Variants in XRN2 observed in about 807,000 individuals in gnomAD.
The protein encoded by XRN2 is 5'-3' exoribonuclease 2, also known as DHM1-like protein.
A neutral mutation model predicts 138.5 loss-of-function variants in XRN2; 44 were observed. The ratio of observed to expected loss-of-function variants is 0.32; its 90% CI spans 0.25 to 0.41. The LOEUF (loss-of-function observed/expected upper bound fraction) is 0.41. Ranked by LOEUF, XRN2 falls within the 10% of genes least tolerant of loss-of-function variation. The pLI is 1.00. For synonymous variants in XRN2, 354 were observed against 369.4 expected (o/e 0.96, Z 0.48); for missense variants, 937 against 1,169.3 (o/e 0.80, Z 2.90).
intron 27 of XRN2, among the ~76,000 whole-genome samples, chr20:21,377,264 C>CTTTTTTTTTTTTTTCTTTTTTTTTTTT (rs761622310): frequency 3.6e-5 from 3 of 82,780 alleles, no homozygotes; most frequent in African/African-American, 1.6e-4. Context: ...TCGGTTTTTT[C>CTTTTTTTTTTTTTTCTTTTTTTTTTTT]TTTTTTTTTT....
intron 13 of XRN2, among the ~76,000 whole-genome samples, chr20:21,335,802 G>A (rs2038279364): frequency 2.0e-5 from 3 of 152,212 alleles, no homozygotes. Context: ...GAGGAAGTAT[G>A]GGATTTGGTA....
intron 26 of XRN2, among the ~76,000 whole-genome samples, chr20:21,365,984 C>T (rs1201823812): frequency 3.1e-5 from 3 of 97,308 alleles, no homozygotes; most frequent in South Asian, 3.0e-4. Flanking sequence ...CGTGCCCGGC[C>T]GAAACCCAGT....
At chr20:21,352,861 C>T (rs956927004) in intron 20 of XRN2, among the ~76,000 whole-genome samples, 1 of 151,936 alleles carries the variant, frequency 6.6e-6, no homozygotes, top group African/African-American at 2.4e-5. Context: ...ACTTGGGCTC[C>T]CTCTGGGTAT....
intron 4 of XRN2, 87 bp from the exon 5 acceptor site, chr20:21,330,394 A>T: frequency 2.9e-6 from 4 of 1,397,728 alleles, no homozygotes; most frequent in Non-Finnish European, 3.9e-6. Context: ...TTGTAGTGGA[A>T]CTTTTTGTTT....
At chr20:21,314,777 AT>A (rs2037934721) in intron 1 of XRN2, among the ~76,000 whole-genome samples, 1 of 151,744 alleles carries the variant, frequency 6.6e-6, no homozygotes, top group Admixed American at 6.6e-5. Context: ...ATTTTTCCAC[AT>A]TTTTGCTGTG....
chr20:21,346,359 C>G, intron 16 of XRN2, 56 bp from the exon 17 acceptor site: 1 of 1,595,676 alleles, frequency 6.3e-7, no homozygotes, highest in Non-Finnish European at 8.6e-7. Flanking sequence ...AATTAGTAGA[C>G]AGCCTGTTAC....
intron 26 of XRN2, among the ~76,000 whole-genome samples, chr20:21,366,993 T>C (rs2038712107): frequency 1.3e-5 from 2 of 152,210 alleles, no homozygotes; most frequent in South Asian, 4.1e-4. Flanking sequence ...AATTAATGTA[T>C]GATGGAGACT....
At chr20:21,305,056 G>A (rs2037797047) in intron 1 of XRN2, among the ~76,000 whole-genome samples, 1 of 152,072 alleles carries the variant, frequency 6.6e-6, no homozygotes. Flanking sequence ...TGCCGCGCCC[G>A]GACTCTATTT....
chr20:21,366,462 CAG>C (rs1449865791), intron 26 of XRN2, among the ~76,000 whole-genome samples: 1 of 150,104 alleles, frequency 6.7e-6, no homozygotes, highest in African/African-American at 2.4e-5. Context: ...CAGGCTGAGG[CAG>C]GGGAATGGCA....
intron 13 of XRN2, among the ~76,000 whole-genome samples, 175 bp downstream of exon 13, chr20:21,334,360 C>T (rs1340948112): frequency 6.6e-6 from 1 of 152,158 alleles, no homozygotes; most frequent in Non-Finnish European, 1.5e-5. Context: ...GTGCTGCTTG[C>T]TCTGTGGAAC....
In XRN2 at chr20:21,303,413, G is replaced by T; in HGVS notation, c.15G>T (p.Ala5=). The T allele has an allele frequency of 6.5e-7, 1 of 1,548,726 alleles. No homozygotes were observed. The highest frequency in any genetic ancestry group is 8.7e-7 in the Non-Finnish European group (1 of 1,146,086). MGVP[A]FFRWLSRKYP... ...CGTGTGCCGCTATGGGAGTCCCGGC[G>T]TTCTTCCGCTGGCTCAGCCGCAAGT... Residue 5 remains alanine, a synonymous_variant, in exon 1 of 30, where the codon GCG becomes GCT. Transcript: ENST00000377191.
chr20:21,362,887 A>C (rs1299233968), intron 24 of XRN2, among the ~76,000 whole-genome samples: 1 of 152,096 alleles, frequency 6.6e-6, no homozygotes, highest in African/African-American at 2.4e-5. Context: ...TTGAGAATGT[A>C]CTCACTCATC....
intron 27 of XRN2, among the ~76,000 whole-genome samples, chr20:21,374,303 CTTTT>C (rs1159895396): frequency 6.6e-6 from 1 of 151,916 alleles, no homozygotes; most frequent in African/African-American, 2.4e-5. Flanking sequence ...ATCTTAATGC[CTTTT>C]TTGTTTGTTT....
At chr20:21,329,729 T>C (rs1292906422) in intron 4 of XRN2, among the ~76,000 whole-genome samples, 1 of 152,164 alleles carries the variant, frequency 6.6e-6, no homozygotes, top group Non-Finnish European at 1.5e-5. Context: ...ATAGGATTTT[T>C]ATATTCCTCT....
At chr20:21,365,917 T>G (rs1281333523) in intron 26 of XRN2, among the ~76,000 whole-genome samples, 3 of 121,148 alleles carry the variant, frequency 2.5e-5, no homozygotes, top group Non-Finnish European at 3.3e-5. Flanking sequence ...ATATATATAA[T>G]ATAATATATA....
chr20:21,368,566 G>A lies in XRN2; in HGVS notation c.2560G>A (p.Ala854Thr). 1.2e-6 allele frequency: 2 copies of A among 1,613,994 alleles called. No homozygotes were observed. Among genetic ancestry groups the A allele is most frequent in the Non-Finnish European group, 1.7e-6 (2 of 1,179,918 alleles). The part of the protein sequence containing the change: ...NLYRPLLRGQ[A>T]QIPKLMSNMR... Reference sequence around the variant, plus strand: ...ATACAGGCCGCTTTTGAGAGGACAAGCCCAGATTCCAAAACTTATGTCAAG... The same window carrying A: ...ATACAGGCCGCTTTTGAGAGGACAAACCCAGATTCCAAAACTTATGTCAAG... Residue 854 changes from alanine to threonine, a missense_variant, in exon 27 of 30, where the codon GCC (alanine) becomes ACC (threonine). Coordinates refer to ENST00000377191, the MANE Select transcript of XRN2 (RefSeq NM_012255.5).
rs751325281 is a variant in XRN2, at chr20:21,349,411, A to G, written c.1886A>G (p.Tyr629Cys). Reference protein sequence around the residue: ...SDPDSSIIDFYPEDFAIDLNG... With the variant: ...SDPDSSIIDFCPEDFAIDLNG... ...TAGGATTCTAGTATAATTGACTTCT[A>G]TCCTGAAGATTTTGCTATTGATTTG... Residue 629 changes from tyrosine (Y) to cysteine (C), a missense_variant, in exon 20 of 30, where the codon TAT becomes TGT. By Grantham distance (194) the Tyr-to-Cys change is radical. This residue lies in a region of XRN2 where 372 missense variants were observed against 414.4 expected (regional missense o/e 0.90). Coordinates refer to ENST00000377191, the MANE Select transcript of XRN2 (RefSeq NM_012255.5). 1 of 1,607,374 alleles carries G rather than the reference A, an allele frequency of 6.2e-7. No individual in the cohort carries two copies. The highest frequency in any genetic ancestry group is 8.5e-7 in the Non-Finnish European group (1 of 1,174,370).
At chr20:21,309,072 A>C (rs1283157295) in intron 1 of XRN2, among the ~76,000 whole-genome samples, 1 of 152,158 alleles carries the variant, frequency 6.6e-6, no homozygotes, top group African/African-American at 2.4e-5. Flanking sequence ...CAAGTTTGCT[A>C]AAGTTTGCTA....
At chr20:21,335,654 T>A (rs1442928756) in intron 13 of XRN2, among the ~76,000 whole-genome samples, 2 of 152,348 alleles carry the variant, frequency 1.3e-5, no homozygotes, top group Admixed American at 6.5e-5. Flanking sequence ...GGAACATTTT[T>A]AACTACTTTT....
Sources: gnomAD v4.1 joint callset for allele counts (sites outside exome capture counted in the v4.1 genomes callset) on GRCh38, gnomAD v4.1.1 for gene constraint, gnomAD v4.1.1 regional missense constraint, MANE v1.5 for transcripts, NCBI Gene and HGNC (gene_info 2026-07-23, HGNC 2026-07-21) for gene names.